Variants in ULK4 observed in about 807,000 individuals in gnomAD.
ULK4 encodes unc-51 like kinase 4.
Under a neutral mutation model 160.6 loss-of-function variants are expected in ULK4, and 133 were observed. The observed-to-expected ratio is 0.83, with a 90% CI of 0.72 to 0.96. The LOEUF is 0.96. Among genes scored for constraint, ULK4 ranks in the 40% least tolerant of loss-of-function variants. ULK4 has a pLI of 0.00. For synonymous variants in ULK4, 534 were observed against 539.8 expected (o/e 0.99, Z 0.15); for missense variants, 1,580 against 1,499.5 (o/e 1.05, Z -0.89).
intron 27 of ULK4, among the ~76,000 whole-genome samples, chr3:41,683,661 C>T (rs556817765): frequency 2.0e-4 from 30 of 151,746 alleles, no homozygotes; most frequent in Admixed American, 1.3e-3. Context: ...TTTTCATTAA[C>T]TTAATTGACT....
At chr3:41,710,801 A>C (rs978489399) in intron 25 of ULK4, among the ~76,000 whole-genome samples, 11 of 152,214 alleles carry the variant, frequency 7.2e-5, no homozygotes, top group Admixed American at 4.6e-4. Flanking sequence ...TCAAAAAAAA[A>C]AAAAAAAAGA....
chr3:41,650,471 T>G (rs137984419), intron 30 of ULK4, among the ~76,000 whole-genome samples: 258 of 152,324 alleles, frequency 1.7e-3, no homozygotes, highest in Admixed American at 3.7e-3. Flanking sequence ...CGTTCCCCAG[T>G]GCCCACAGTG....
intron 34 of ULK4, among the ~76,000 whole-genome samples, chr3:41,435,371 T>G (rs1471138988): frequency 1.3e-5 from 2 of 152,056 alleles, no homozygotes; most frequent in African/African-American, 2.4e-5. Context: ...GGGTGTCCAA[T>G]CAACATGAAA....
At chr3:41,667,659 G>A (rs1342580112) in intron 29 of ULK4, among the ~76,000 whole-genome samples, 1 of 152,162 alleles carries the variant, frequency 6.6e-6, no homozygotes, top group African/African-American at 2.4e-5. Context: ...GCTGGCCAGA[G>A]ACTAAGATCA....
chr3:41,711,323 C>T (rs2037088997), intron 25 of ULK4, among the ~76,000 whole-genome samples: 1 of 152,114 alleles, frequency 6.6e-6, no homozygotes, highest in South Asian at 2.1e-4. Context: ...AAAAAGACCA[C>T]CCACCCTGAG....
At chr3:41,391,545 G>A (rs549550809) in intron 35 of ULK4, among the ~76,000 whole-genome samples, 2 of 151,834 alleles carry the variant, frequency 1.3e-5, no homozygotes, top group South Asian at 2.1e-4. Context: ...AGTAGAAAGA[G>A]TGCCTCTTCT....
chr3:41,579,654 CG>C (rs928026708), intron 31 of ULK4, among the ~76,000 whole-genome samples: 15 of 151,816 alleles, frequency 9.9e-5, no homozygotes, highest in African/African-American at 3.4e-4. Context: ...CCTCCATGCC[CG>C]GCTAATTTTT....
chr3:41,868,765 G>A (rs1197780375), intron 17 of ULK4, among the ~76,000 whole-genome samples: 1 of 151,980 alleles, frequency 6.6e-6, no homozygotes, highest in Non-Finnish European at 1.5e-5. Flanking sequence ...CCTGTATGCT[G>A]GGATTACAGG....
intron 27 of ULK4, chr3:41,687,804 T>G (rs2036148758): frequency 6.6e-6 from 1 of 152,246 alleles, no homozygotes; most frequent in Non-Finnish European, 1.5e-5. Flanking sequence ...CAAACACCCC[T>G]GAAGGCTATA....
At chr3:41,530,262 TCAC>T (rs1559371845) in intron 32 of ULK4, among the ~76,000 whole-genome samples, 2 of 152,048 alleles carry the variant, frequency 1.3e-5, no homozygotes, top group Non-Finnish European at 2.9e-5. Context: ...ACCCTTAAAA[TCAC>T]CACAACTCTA....
chr3:41,804,949 C>T (rs747694745), intron 19 of ULK4, among the ~76,000 whole-genome samples: 18,457 of 151,428 alleles, frequency 0.12, 1,243 homozygotes, highest in Middle Eastern at 0.26. Context: ...TGGCTTAGGA[C>T]TGACTTGGCG....
intron 25 of ULK4, 43 bp downstream of exon 25, chr3:41,715,194 G>A (rs763012047): frequency 4.2e-5 from 66 of 1,583,090 alleles, no homozygotes; most frequent in Non-Finnish European, 5.0e-5. Context: ...AGTAGAGGAA[G>A]TCACAATTTT....
chr3:41,953,306 T>TATACATA (rs1447473585), intron 2 of ULK4, among the ~76,000 whole-genome samples: 4 of 91,834 alleles, frequency 4.4e-5, no homozygotes, highest in Non-Finnish European at 6.3e-5. Context: ...ATATATATAT[T>TATACATA]TTTTTTTTTT....
intron 32 of ULK4, among the ~76,000 whole-genome samples, chr3:41,538,328 G>A (rs2086582702): frequency 6.7e-6 from 1 of 150,054 alleles, no homozygotes; most frequent in South Asian, 2.1e-4. Context: ...TGTAGCCACA[G>A]CAGCAGTGTC....
At chr3:41,862,232 TTGA>T (rs2042514912) in intron 17 of ULK4, among the ~76,000 whole-genome samples, 4 of 120,546 alleles carry the variant, frequency 3.3e-5, no homozygotes, top group African/African-American at 3.2e-4. Context: ...GAATTTCTGC[TTGA>T]TTGTTTTTAA....
At chr3:41,683,530 C>T (rs1330771018) in intron 27 of ULK4, among the ~76,000 whole-genome samples, 1 of 151,334 alleles carries the variant, frequency 6.6e-6, no homozygotes, top group Non-Finnish European at 1.5e-5. Flanking sequence ...TGAGTTTTTC[C>T]TCCAGCCTCC....
intron 31 of ULK4, among the ~76,000 whole-genome samples, chr3:41,579,018 A>G (rs1349316190): frequency 6.6e-6 from 1 of 152,154 alleles, no homozygotes; most frequent in Non-Finnish European, 1.5e-5. Context: ...TCTTGGCTAT[A>G]CGCTGAGTGT....
In ULK4 at chr3:41,344,627, C is replaced by T. The variant is rs142663083; in HGVS notation, c.3678+53452G>A. ...AATTAGCCAGGTATGGTGGCACACA[C>T]CTATAGTCCCAGCTACTCAGGAGGC... On this transcript the variant is annotated intron_variant, in intron 35 of 36. Transcript: ENST00000301831. Among the ~76,000 whole-genome samples the T allele has an allele frequency of 6.3e-3, 961 of 151,940 alleles. 8 individuals are homozygous for T. Among genetic ancestry groups the T allele is most frequent in the African/African-American group, 0.022 (920 of 41,420 alleles).
chr3:41,417,707 A>G lies in ULK4; in HGVS notation c.3493-19443T>C, dbSNP rs116553759. ...TAAGCACACATGCAGTCCTTTTAAGAGCTGATACCAGAACTGACACACATC... is the reference window on the plus strand; with the variant it reads ...TAAGCACACATGCAGTCCTTTTAAGGGCTGATACCAGAACTGACACACATC... On this transcript the variant is annotated intron_variant, in intron 34 of 36. Coordinates refer to ENST00000301831, the MANE Select transcript of ULK4 (RefSeq NM_017886.4). 4.5e-3 allele frequency among the ~76,000 whole-genome samples: 689 copies of G among 152,258 alleles called. 1 individual carries two copies. Among genetic ancestry groups the G allele is most frequent in the African/African-American group, 0.016 (659 of 41,570 alleles).
Sources: gnomAD v4.1 joint callset for allele counts (sites outside exome capture counted in the v4.1 genomes callset) on GRCh38, gnomAD v4.1.1 for gene constraint, MANE v1.5 for transcripts, NCBI Gene and HGNC (gene_info 2026-07-23, HGNC 2026-07-21) for gene names.